The following NOTCH1 variants were observed in gnomAD, a reference collection of about 807,000 sequenced individuals.
NOTCH1 encodes the protein notch receptor 1.
A neutral mutation model predicts 254.8 loss-of-function variants in NOTCH1; 37 were observed. The observed-to-expected ratio is 0.15, with a 90% CI of 0.11 to 0.19. The LOEUF is 0.19. Ranked by LOEUF, NOTCH1 falls within the 10% of genes least tolerant of loss-of-function variation. The pLI is 1.00. For synonymous variants in NOTCH1, 1,731 were observed against 1,618.1 expected, an observed-to-expected ratio of 1.07 and a Z score of -1.68; for missense variants, 2,972 against 3,708.6, an observed-to-expected ratio of 0.80 and a Z score of 5.16.
intron 19 of NOTCH1, 97 bp from the exon 20 acceptor site, chr9:136,508,482 C>A: frequency 1.3e-6 from 2 of 1,550,204 alleles, no homozygotes; most frequent in Non-Finnish European, 1.8e-6. Context: ...CCAACCCAGG[C>A]TGCAACCCAT....
At position 136,504,788 on chromosome 9, in the gene NOTCH1, C is replaced by T. The variant is rs911387577; in HGVS notation, c.4903G>A (p.Ala1635Thr). 21 of 1,554,862 alleles carry T rather than the reference C, an allele frequency of 1.4e-5. No individual in the cohort carries two copies. The highest frequency in any genetic ancestry group is 7.2e-5 in the East Asian group (3 of 41,696). Residue 1635 changes from alanine to threonine, a missense_variant, in exon 26 of 34, where the codon GCC (alanine) becomes ACC (threonine). Physicochemically the swap from Ala to Thr is moderately conservative, Grantham distance 58 (BLOSUM62 0). Around this residue, in one of 8 missense-constraint regions of NOTCH1, gnomAD observed 1,343 missense variants for 1,557.0 expected, o/e 0.86. Transcript: ENST00000651671. ...GCGTCAGGTGCGGCCCAGCCCTCGG[C>T]GGCACGCTTGATGGGGTGCTTGCGC... Reference protein sequence around the residue: ...ELRKHPIKRAAEGWAAPDALL... With the variant: ...ELRKHPIKRATEGWAAPDALL...
chr9:136,496,411 A>C lies in NOTCH1; in HGVS notation c.7328T>G (p.Val2443Gly), dbSNP rs1418965547. ...CAGGCTGCTGGGGCCCAGTGGCTGC[A>C]CGTCTGCCTGGCTCGGCTCTCCACT... ...FLSGEPSQAD[V>G]QPLGPSSLAV... is the part of the protein sequence containing the mutation. Residue 2443 changes from valine (V) to glycine (G), a missense_variant, in exon 34 of 34, where the codon GTG becomes GGG. Val to Gly is a moderately radical substitution (Grantham distance 109). Around this residue, in one of 8 missense-constraint regions of NOTCH1, gnomAD observed 529 missense variants for 529.2 expected, o/e 1.00. Transcript: ENST00000651671. 6.3e-7 allele frequency: 1 copy of C among 1,599,512 alleles called. No homozygotes were observed. The highest frequency in any genetic ancestry group is 2.2e-5 in the East Asian group (1 of 44,848).
Position 136,502,897 on chromosome 9 carries a change from A to G in NOTCH1, c.5167+285T>C, listed in dbSNP as rs548256222. 4.7e-4 allele frequency: 305 copies of G among 644,716 alleles called. 1 individual carries two copies. In the African/African-American group the frequency reaches 5.1e-3, roughly 11 times the overall value. 39.9% of individuals were successfully genotyped at this position (644,716 alleles called of 1,614,324 possible). A position where few individuals can be genotyped will look rare whatever the true frequency, so the allele number is the denominator to read the frequency against. ...TTAAAAAAAGCCGTAATGATTTTGAAATAATACCCAACAAAGAAAATTCAG... is the reference window on the plus strand; with the variant it reads ...TTAAAAAAAGCCGTAATGATTTTGAGATAATACCCAACAAAGAAAATTCAG... On this transcript the variant is annotated intron_variant, in intron 27 of 33. Transcript: ENST00000651671.
In NOTCH1 at chr9:136,507,807, C is replaced by T. The variant is rs11574901; in HGVS notation, c.3510+148G>A. ...GGCCACCTCTTCCAGGCAGTCTACC[C>T]TGATTACCCCAGCCCTCCCCTAATG... On this transcript the variant is annotated intron_variant, in intron 21 of 33. Coordinates refer to ENST00000651671, the MANE Select transcript of NOTCH1 (RefSeq NM_017617.5). 5,198 of 868,558 alleles carry T rather than the reference C, an allele frequency of 6.0e-3. 32 individuals are homozygous for T. Among genetic ancestry groups the T allele is most frequent in the Non-Finnish European group, 8.4e-3 (4,558 of 541,736 alleles). The allele number at this position is 868,558 out of a possible 1,614,324, so 53.8% of individuals were successfully genotyped here. A position where few individuals can be genotyped will look rare whatever the true frequency, so the allele number is the denominator to read the frequency against.
rs77714896 is a variant in NOTCH1, at chr9:136,543,767, T to A, written c.140+257A>T. On this transcript the variant is annotated intron_variant, in intron 2 of 33. Coordinates refer to ENST00000651671, the MANE Select transcript of NOTCH1 (RefSeq NM_017617.5). The stretch of plus-strand genomic sequence containing the variant: ...AGAATTGGGGTACTGGGACTCCCAC[T>A]TAGTGACCCCGGAGCCTGAGGTGGC... 2,181 of 597,838 alleles carry A rather than the reference T, an allele frequency of 3.6e-3. 34 individuals carry two copies. Among genetic ancestry groups the A allele is most frequent in the African/African-American group, 0.033 (1,784 of 54,018 alleles). 37.0% of individuals were successfully genotyped at this position (597,838 alleles called of 1,614,324 possible). A position where few individuals can be genotyped will look rare whatever the true frequency, so the allele number is the denominator to read the frequency against.
At position 136,506,475 on chromosome 9, in the gene NOTCH1, C is replaced by T. The variant is rs2133342174; in HGVS notation, c.4014+52G>A. ...CGCCCCGAGGCCCCCACGTGGACCTCTCCAGGTGTCTCCCCTGGCGGGCCC... is the reference window on the plus strand; with the variant it reads ...CGCCCCGAGGCCCCCACGTGGACCTTTCCAGGTGTCTCCCCTGGCGGGCCC... On this transcript the variant is annotated intron_variant, in intron 24 of 33. Coordinates refer to ENST00000651671, the MANE Select transcript of NOTCH1 (RefSeq NM_017617.5). This position sits in a 1 kb window ranked among gnomAD's most constrained non-coding sequence, Gnocchi z 4.5. 6.6e-7 allele frequency: 1 copy of T among 1,520,630 alleles called. No homozygotes were observed. Among genetic ancestry groups the T allele is most frequent in the Non-Finnish European group, 8.9e-7 (1 of 1,123,604 alleles). 94.2% of individuals were successfully genotyped at this position (1,520,630 alleles called of 1,614,324 possible).
At chr9:136,523,267 G>C (rs1268347618) in intron 3 of NOTCH1, 79 bp from the exon 4 acceptor site, 1 of 1,401,570 alleles carries the variant, frequency 7.1e-7, no homozygotes, top group African/African-American at 1.4e-5. Flanking sequence ...CAGGCCACCT[G>C]GAGGTGCCAG....
chr9:136,518,960 A>T (rs1206228890), intron 5 of NOTCH1, 136 bp from the exon 6 acceptor site: 1 of 730,434 alleles, frequency 1.4e-6, no homozygotes, highest in Non-Finnish European at 2.4e-6. Flanking sequence ...GCCAGCCTAA[A>T]TCACTCCTTC....
rs1477679115 is a variant in NOTCH1, at chr9:136,510,930, C to A, written c.2588-125G>T. 3 of 1,420,364 alleles carry A rather than the reference C, an allele frequency of 2.1e-6. No homozygotes were observed. In the East Asian group the frequency reaches 7.1e-5, roughly 33 times the overall value. 88.0% of individuals were successfully genotyped at this position (1,420,364 alleles called of 1,614,324 possible). On this transcript the variant is annotated intron_variant, in intron 16 of 33. Transcript: ENST00000651671. The stretch of plus-strand genomic sequence containing the variant: ...GAGTAGGCTTCCGTGACCCCAGGAC[C>A]ATCCCCTCTCCCCTAATTTTGGCCT...
At chr9:136,538,912 G>A (rs1040643145) in intron 2 of NOTCH1, among the ~76,000 whole-genome samples, 18 of 152,326 alleles carry the variant, frequency 1.2e-4, no homozygotes, top group East Asian at 7.7e-4. Context: ...ATTTATAGAC[G>A]AGACATGAAA....
chr9:136,543,305 CCACCCAGAGGAGGCAT>C (rs1198556652), intron 2 of NOTCH1: 2 of 219,704 alleles, frequency 9.1e-6, no homozygotes, highest in Non-Finnish European at 1.9e-5. Flanking sequence ...GGAGGTATCA[CCACCCAGAGGAGGCAT>C]CACCCACCTA....
chr9:136,496,032 G>A lies in NOTCH1; in HGVS notation c.*39C>T, dbSNP rs1337547171. The stretch of plus-strand genomic sequence containing the variant: ...ACAGAGCGCACACAGACGCCCGAAG[G>A]CTTGGGAAAGGAAGCCGGGGTCTCG... On this transcript the variant is annotated 3_prime_UTR_variant, in exon 34 of 34. Coordinates refer to ENST00000651671, the MANE Select transcript of NOTCH1 (RefSeq NM_017617.5). 6.3e-7 allele frequency: 1 copy of A among 1,578,920 alleles called. No individual in the cohort carries two copies. Among genetic ancestry groups the A allele is most frequent in the Non-Finnish European group, 8.5e-7 (1 of 1,170,080 alleles).
rs746366255 is a variant in NOTCH1, at chr9:136,515,670, G to A, written c.1716C>T (p.Pro572=). 31 of 1,568,634 alleles carry A rather than the reference G, an allele frequency of 2.0e-5. No individual in the cohort carries two copies. Among genetic ancestry groups the A allele is most frequent in the South Asian group, 1.1e-4 (10 of 87,062 alleles). The change falls in exon 11 of 34, where the codon CCC becomes CCT. Residue 572 remains proline, a synonymous_variant. Coordinates refer to ENST00000651671, the MANE Select transcript of NOTCH1 (RefSeq NM_017617.5). Reference sequence around the variant, plus strand: ...TGCAGGAGCCGTAGTGGCAGGGGTCGGGGTCGCACTCATCGATGTCCACCT... The same window carrying A: ...TGCAGGAGCCGTAGTGGCAGGGGTCAGGGTCGCACTCATCGATGTCCACCT... ...HCEVDIDECD[P]DPCHYGSCKD...
chr9:136,511,099 G>A (rs182248359), intron 16 of NOTCH1, 53 bp downstream of exon 16: 28 of 1,611,888 alleles, frequency 1.7e-5, no homozygotes, highest in African/African-American at 8.0e-5. Context: ...CCTGTGTCCC[G>A]CAGACATCCT....
At chr9:136,544,910 GA>G (rs1192727482) in intron 1 of NOTCH1, among the ~76,000 whole-genome samples, 5 of 152,096 alleles carry the variant, frequency 3.3e-5, no homozygotes, top group African/African-American at 1.2e-4. Context: ...AGAAACGGGG[GA>G]GGGGGGTGTG....
chr9:136,520,078 C>T (rs1277185338), intron 4 of NOTCH1, among the ~76,000 whole-genome samples: 1 of 152,118 alleles, frequency 6.6e-6, no homozygotes, highest in African/African-American at 2.4e-5. Context: ...TGGTGCCCAC[C>T]TCCTCCTCCC....
rs1292953898 is a variant in NOTCH1, at chr9:136,505,768, G to T, written c.4128C>A (p.Gly1376=). Reference sequence around the variant, plus strand: ...ACTGGCATTCGGGGCCCGTGAAGGGGCCCAGGCACAGGCAGGTGGGGCTGC... The same window carrying T: ...ACTGGCATTCGGGGCCCGTGAAGGGTCCCAGGCACAGGCAGGTGGGGCTGC... The part of the protein sequence containing the change: ...GPRSPTCLCL[G]PFTGPECQFP... Residue 1376 remains glycine (G), a synonymous_variant, in exon 25 of 34, where the codon GGC becomes GGA. Transcript: ENST00000651671. 1 of 1,587,528 alleles carries T rather than the reference G, an allele frequency of 6.3e-7. No individual in the cohort carries two copies. Among genetic ancestry groups the T allele is most frequent in the Non-Finnish European group, 8.6e-7 (1 of 1,166,314 alleles).
chr9:136,516,510 G>A (rs1419322025), intron 9 of NOTCH1, among the ~76,000 whole-genome samples: 1 of 152,204 alleles, frequency 6.6e-6, no homozygotes, highest in Non-Finnish European at 1.5e-5. Flanking sequence ...GCCCCTGAGA[G>A]TTCCTCCAAG....
At chr9:136,500,906 G>A in intron 30 of NOTCH1, 59 bp from the exon 31 acceptor site, 1 of 1,516,384 alleles carries the variant, frequency 6.6e-7, no homozygotes, top group Middle Eastern at 2.3e-4. Flanking sequence ...GCAGCCCAGG[G>A]GGAGGGGGGC....
Sources: gnomAD v4.1 joint callset for allele counts (sites outside exome capture counted in the v4.1 genomes callset) on GRCh38, gnomAD v4.1.1 for gene constraint, gnomAD v4.1.1 regional missense constraint, Gnocchi (gnomAD v3.1) non-coding constraint, MANE v1.5 for transcripts, NCBI Gene and HGNC (gene_info 2026-07-23, HGNC 2026-07-21) for gene names.